Variants in IGF1R observed in about 807,000 individuals in gnomAD.
IGF1R encodes the protein insulin-like growth factor 1 receptor.
IGF1R carries 44 observed loss-of-function variants against 144.6 expected under a neutral mutation model. That is an observed-to-expected ratio of 0.30 (90% CI 0.24 to 0.39). The LOEUF (loss-of-function observed/expected upper bound fraction) is 0.39, where lower values mean the gene tolerates loss of function less well. Among genes scored for constraint, IGF1R ranks in the 10% least tolerant of loss-of-function variants. The pLI is 1.00. For missense variants in IGF1R, 1,355 were observed against 1,833.7 expected (o/e 0.74, Z 4.77); for synonymous variants, 795 against 722.8 (o/e 1.10, Z -1.60).
At chr15:98,828,779 T>G (rs1473035800) in intron 2 of IGF1R, among the ~76,000 whole-genome samples, 2 of 151,770 alleles carry the variant, frequency 1.3e-5, no homozygotes, top group African/African-American at 4.8e-5. Flanking sequence ...GCATGGTTTT[T>G]TTTTTTTTTT....
At chr15:98,915,782 G>T (rs1279197738) in intron 8 of IGF1R, among the ~76,000 whole-genome samples, 182 bp from the exon 9 acceptor site, 1 of 152,196 alleles carries the variant, frequency 6.6e-6, no homozygotes, top group African/African-American at 2.4e-5. Context: ...AAAGGGAAAT[G>T]TTGGCATTTA....
chr15:98,659,777 C>T (rs1279098176), intron 1 of IGF1R, among the ~76,000 whole-genome samples: 1 of 152,126 alleles, frequency 6.6e-6, no homozygotes, highest in Non-Finnish European at 1.5e-5. Context: ...AAAAACACTA[C>T]TGATTTCATT....
In IGF1R at chr15:98,745,851, G is replaced by A. The variant is rs79979652; in HGVS notation, c.640+37744G>A. Among the ~76,000 whole-genome samples the A allele has an allele frequency of 6.6e-3, 1,004 of 152,320 alleles. 15 individuals are homozygous for A. The highest frequency in any genetic ancestry group is 0.052 in the East Asian group (268 of 5,184). Reference sequence around the variant, plus strand: ...CAACCTTTATGGAAGGCAAATTGGCGTTATAAATGCGTGTTACCTTTGACC... The same window carrying A: ...CAACCTTTATGGAAGGCAAATTGGCATTATAAATGCGTGTTACCTTTGACC... On this transcript the variant is annotated intron_variant, in intron 2 of 20. Coordinates refer to ENST00000650285, the MANE Select transcript of IGF1R (RefSeq NM_000875.5).
chr15:98,741,976 T>G (rs1310795868), intron 2 of IGF1R, among the ~76,000 whole-genome samples: 1 of 152,208 alleles, frequency 6.6e-6, no homozygotes, highest in Non-Finnish European at 1.5e-5. Flanking sequence ...AGGATTGAGG[T>G]GCCTAGTTTG....
At position 98,786,120 on chromosome 15, in the gene IGF1R, C is replaced by CA. The variant is rs147812015; in HGVS notation, c.640+78014dup. ...TCAGCGAGTACAGCCTTGTTAATCTCAGACATGGAAAGCAAGTTGCCTAGG... is the reference window on the plus strand; with the variant it reads ...TCAGCGAGTACAGCCTTGTTAATCTCAAGACATGGAAAGCAAGTTGCCTAGG... On this transcript the variant is annotated intron_variant, in intron 2 of 20. Coordinates refer to ENST00000650285, the MANE Select transcript of IGF1R (RefSeq NM_000875.5). Among the ~76,000 whole-genome samples the CA allele has an allele frequency of 1.5e-3, 235 of 152,314 alleles. 1 individual carries two copies. Among genetic ancestry groups the CA allele is most frequent in the African/African-American group, 5.4e-3 (225 of 41,566 alleles).
chr15:98,726,629 G>T (rs2054366987), intron 2 of IGF1R, among the ~76,000 whole-genome samples: 1 of 151,380 alleles, frequency 6.6e-6, no homozygotes, highest in African/African-American at 2.4e-5. Context: ...TTATAAAACA[G>T]CTTGTTTCTG....
chr15:98,876,327 AG>A lies in IGF1R; in HGVS notation c.641-14997del, dbSNP rs1484269180. 2.1e-4 allele frequency among the ~76,000 whole-genome samples: 29 copies of A among 137,394 alleles called. 1 individual carries two copies. The highest frequency in any genetic ancestry group is 5.6e-4 in the East Asian group (2 of 3,590). 90.1% of individuals were successfully genotyped at this position (137,394 alleles called of 152,430 possible). On this transcript the variant is annotated intron_variant, in intron 2 of 20. Transcript: ENST00000650285. The stretch of plus-strand genomic sequence containing the variant: ...ACTATTAAGAGTTAAAAAAAAAAAA[AG>A]AGAGAGAGAGTCTTGAACTTTGAAA...
intron 1 of IGF1R, among the ~76,000 whole-genome samples, chr15:98,661,065 C>T (rs1474874447): frequency 6.6e-6 from 1 of 152,024 alleles, no homozygotes; most frequent in African/African-American, 2.4e-5. Context: ...CTTCAGATCT[C>T]AAGATACTAG....
intron 4 of IGF1R, among the ~76,000 whole-genome samples, chr15:98,898,725 G>A (rs1445028521): frequency 6.6e-6 from 1 of 152,114 alleles, no homozygotes; most frequent in Non-Finnish European, 1.5e-5. Flanking sequence ...TCATTATAGT[G>A]TTTATTATAA....
chr15:98,939,446 G>T, intron 18 of IGF1R, 86 bp downstream of exon 18: 1 of 1,253,248 alleles, frequency 8.0e-7, no homozygotes, highest in Non-Finnish European at 1.2e-6. Flanking sequence ...CCCTGGAGAG[G>T]TTTTCTAGTG....
intron 2 of IGF1R, among the ~76,000 whole-genome samples, chr15:98,883,361 T>TCAAAG: frequency 6.6e-6 from 1 of 152,340 alleles, no homozygotes; most frequent in East Asian, 1.9e-4. Context: ...TCCTCTTGTC[T>TCAAAG]TCATTTTGAG....
intron 15 of IGF1R, among the ~76,000 whole-genome samples, chr15:98,933,656 A>C (rs1329055403): frequency 6.6e-6 from 1 of 152,214 alleles, no homozygotes; most frequent in African/African-American, 2.4e-5. Context: ...ATCGAATCTA[A>C]ACAGAAACAG....
chr15:98,810,913 C>T (rs1302343752), intron 2 of IGF1R, among the ~76,000 whole-genome samples: 1 of 152,098 alleles, frequency 6.6e-6, no homozygotes, highest in East Asian at 1.9e-4. Context: ...CCACATCTGG[C>T]CTGCCACACC....
intron 17 of IGF1R, among the ~76,000 whole-genome samples, chr15:98,938,683 T>C (rs1237736281): frequency 6.6e-6 from 1 of 152,140 alleles, no homozygotes; most frequent in African/African-American, 2.4e-5. Context: ...TAGAAGAAGG[T>C]TGAAGGGAAA....
chr15:98,948,475 A>G, intron 19 of IGF1R, 99 bp from the exon 20 acceptor site: 1 of 1,284,568 alleles, frequency 7.8e-7, no homozygotes, highest in Non-Finnish European at 1.1e-6. Context: ...TAGTAAGGAC[A>G]GTTTATCTGC....
intron 2 of IGF1R, among the ~76,000 whole-genome samples, chr15:98,794,805 T>C (rs1218736888): frequency 6.6e-6 from 1 of 152,198 alleles, no homozygotes; most frequent in African/African-American, 2.4e-5. Flanking sequence ...CACTACAAGC[T>C]CTCCAACTGG....
At chr15:98,774,194 C>T (rs1333782267) in intron 2 of IGF1R, among the ~76,000 whole-genome samples, 1 of 152,180 alleles carries the variant, frequency 6.6e-6, no homozygotes, top group African/African-American at 2.4e-5. Flanking sequence ...CAAATCAGAT[C>T]AAGTTCTCTC....
rs1488003066 is a variant in IGF1R at position 98,961,263 on chromosome 15, TCATTCAGCTGGTTATAAGGG to T, written c.*3822_*3841del. ...GTTTCCACAACTGGATTTCTACAGA[TCATTCAGCTGGTTATAAGGG>T]TTTTGTTTAAACTGTCCGAGTTACT... is the stretch of plus-strand genomic sequence containing the variant. On this transcript the variant is annotated 3_prime_UTR_variant, in exon 21 of 21. Transcript: ENST00000650285. 2 of 233,534 alleles carry T rather than the reference TCATTCAGCTGGTTATAAGGG, an allele frequency of 8.6e-6. No homozygotes were observed. The highest frequency in any genetic ancestry group is 1.1e-4 in the Admixed American group (2 of 17,788). The allele number at this position is 233,534 out of a possible 1,614,324, so 14.5% of individuals were successfully genotyped here. A position where few individuals can be genotyped will look rare whatever the true frequency, so the allele number is the denominator to read the frequency against.
chr15:98,788,993 A>C (rs1368722523), intron 2 of IGF1R, among the ~76,000 whole-genome samples: 2 of 152,108 alleles, frequency 1.3e-5, no homozygotes, highest in African/African-American at 4.8e-5. Flanking sequence ...TTAACTTAGA[A>C]AGTCATTTTG....
Sources: allele counts gnomAD v4.1 joint callset (sites outside exome capture counted in the v4.1 genomes callset), GRCh38; gene constraint gnomAD v4.1.1; transcripts MANE v1.5; gene names NCBI Gene and HGNC (gene_info 2026-07-23, HGNC 2026-07-21).